PAPLN: variants seen among roughly 807,000 people sequenced by gnomAD.
PAPLN encodes the protein papilin.
PAPLN carries 146 observed loss-of-function variants against 159.0 expected under a neutral mutation model. That is an observed-to-expected ratio of 0.92 (90% confidence interval 0.80 to 1.05). PAPLN has a LOEUF of 1.05. Among genes scored for constraint, PAPLN ranks in the 50% least tolerant of loss-of-function variants. PAPLN has a pLI of 0.00. For missense variants in PAPLN, 1,720 were observed against 1,743.9 expected (o/e 0.99, Z 0.24); for synonymous variants, 734 against 702.9 (o/e 1.04, Z -0.70).
In PAPLN at chr14:73,259,472, T is replaced by C; in HGVS notation, c.1912T>C (p.Cys638Arg). Residue 638 changes from cysteine (C) to arginine (R), a missense_variant, in exon 16 of 27, where the codon TGC becomes CGC. Coordinates refer to ENST00000644200, the MANE Select transcript of PAPLN (RefSeq NM_001365906.3). ...CTGCAGACACAGTCCTCACGGGTGC[T>C]GCCCCGATGGCCACACGGCATCTCT... ...HDCRHSPHGC[C>R]PDGHTASLGP... is the part of the protein sequence containing the mutation. 1 of 1,609,630 alleles carries C rather than the reference T, an allele frequency of 6.2e-7. No homozygotes were observed. The highest frequency in any genetic ancestry group is 8.5e-7 in the Non-Finnish European group (1 of 1,178,372).
intron 2 of PAPLN, among the ~76,000 whole-genome samples, chr14:73,241,745 G>T (rs867562492): frequency 4.6e-5 from 7 of 152,384 alleles, no homozygotes; most frequent in Middle Eastern, 3.4e-3. Flanking sequence ...GATCACTTAT[G>T]CTGTCAGCGG....
Position 73,251,821 on chromosome 14 carries a change from G to A in PAPLN, c.828G>A (p.Glu276=). The change falls in exon 9 of 27, where the codon GAG becomes GAA. Residue 276 remains glutamate, a synonymous_variant. Transcript: ENST00000644200. ...ERLHARGPTS[E]PLVIELISQE... is the part of the protein sequence containing the mutation. ...TCCATGCCCGGGGCCCCACCTCGGA[G>A]CCCCTGGTCATCGAGGTAAATGGGG... The A allele has an allele frequency of 1.3e-6, 2 of 1,596,090 alleles. No individual in the cohort carries two copies. The highest frequency in any genetic ancestry group is 1.7e-6 in the Non-Finnish European group (2 of 1,174,272).
At chr14:73,253,469 G>A (rs529297100) in intron 11 of PAPLN, among the ~76,000 whole-genome samples, 102 of 151,958 alleles carry the variant, frequency 6.7e-4, no homozygotes, top group African/African-American at 2.2e-3. Flanking sequence ...GTCTGACTGG[G>A]AGACAGGGAC....
rs769846702 is a variant in PAPLN, at chr14:73,245,667, G to A, written c.202G>A (p.Ala68Thr). Residue 68 changes from alanine (A) to threonine (T), a missense_variant, in exon 4 of 27, where the codon GCC (alanine) becomes ACC (threonine). Transcript: ENST00000644200. This position sits in a 1 kb window ranked among gnomAD's most constrained non-coding sequence, Gnocchi z 4.2. Reference protein sequence around the residue: ...RDGGSSCVGPARSHRSCRTES... With the variant: ...RDGGSSCVGPTRSHRSCRTES... ...TGGAGGCTCCAGCTGCGTGGGCCCCGCCCGGAGCCACCGCTCTTGTCGCAC... is the reference window on the plus strand; with the variant it reads ...TGGAGGCTCCAGCTGCGTGGGCCCCACCCGGAGCCACCGCTCTTGTCGCAC... 7.7e-6 allele frequency: 12 copies of A among 1,557,190 alleles called. No individual in the cohort carries two copies. The South Asian group carries it at 1.3e-4, about 17-fold the overall frequency.
intron 14 of PAPLN, 138 bp downstream of exon 14, chr14:73,255,156 C>T (rs1289708484): frequency 8.0e-7 from 1 of 1,257,062 alleles, no homozygotes; most frequent in Non-Finnish European, 1.1e-6. Context: ...CATGTCTCCC[C>T]CCGCTGAACC....
intron 2 of PAPLN, among the ~76,000 whole-genome samples, chr14:73,242,200 C>T (rs1388314429): frequency 2.0e-5 from 3 of 152,232 alleles, no homozygotes; most frequent in African/African-American, 4.8e-5. Context: ...GGCTAGTGGA[C>T]ACCTGCCTTA....
Position 73,264,294 on chromosome 14 carries a change from G to A in PAPLN, c.2945G>A (p.Arg982Gln), listed in dbSNP as rs147888688. The A allele has an allele frequency of 5.0e-5, 80 of 1,613,894 alleles. No homozygotes were observed. The highest frequency in any genetic ancestry group is 1.6e-4 in the Middle Eastern group (1 of 6,062). The part of the protein sequence containing the change: ...DAGTYSCGST[R>Q]PGRDSQKIQL... ...GGCACCTACAGCTGTGGCAGCACCC[G>A]GCCAGGCCGCGACTCCCAGAAGATC... The change falls in exon 21 of 27, where the codon CGG (arginine) becomes CAG (glutamine). Residue 982 changes from arginine to glutamine, a missense_variant. Transcript: ENST00000644200.
intron 2 of PAPLN, 66 bp downstream of exon 2, chr14:73,239,898 G>T: frequency 6.7e-7 from 1 of 1,485,072 alleles, no homozygotes. Context: ...GGACGCGCGG[G>T]CCCGCAGGCA....
intron 13 of PAPLN, 88 bp downstream of exon 13, chr14:73,254,783 C>A (rs938912916): frequency 6.3e-7 from 1 of 1,588,358 alleles, no homozygotes; most frequent in Admixed American, 1.7e-5. Flanking sequence ...ACCTGACACG[C>A]GCCACTGGGC....
intron 13 of PAPLN, 39 bp downstream of exon 13, chr14:73,254,734 G>A (rs759156548): frequency 6.2e-7 from 1 of 1,602,460 alleles, no homozygotes; most frequent in East Asian, 2.2e-5. Context: ...GCCTGACCCT[G>A]GTCTCTGGCA....
intron 14 of PAPLN, among the ~76,000 whole-genome samples, chr14:73,258,764 G>A (rs1347377564): frequency 6.6e-6 from 1 of 152,088 alleles, no homozygotes; most frequent in Non-Finnish European, 1.5e-5. Context: ...TCTCAAAAAA[G>A]ATGAGCATTT....
At chr14:73,246,265 C>CATAT (rs142277220) in intron 5 of PAPLN, 90 bp downstream of exon 5, 17 of 1,013,772 alleles carry the variant, frequency 1.7e-5, no homozygotes, top group African/African-American at 8.8e-5. Context: ...GAGGCGTTGT[C>CATAT]ATATATATAT....
chr14:73,243,521 C>T (rs1429552070), intron 2 of PAPLN: 4 of 152,192 alleles, frequency 2.6e-5, no homozygotes, highest in Admixed American at 6.5e-5. Context: ...GGCACAGCCT[C>T]GGCAGGGGAG....
At chr14:73,259,887 G>A (rs1409705605) in intron 16 of PAPLN, among the ~76,000 whole-genome samples, 3 of 152,062 alleles carry the variant, frequency 2.0e-5, no homozygotes, top group African/African-American at 7.2e-5. Context: ...AAGGCTAGAC[G>A]AGGGCCAACC....
intron 14 of PAPLN, among the ~76,000 whole-genome samples, chr14:73,255,586 G>C (rs1439334939): frequency 6.6e-6 from 1 of 150,860 alleles, no homozygotes; most frequent in Non-Finnish European, 1.5e-5. Flanking sequence ...GGGCCTGCTG[G>C]AGAAAGGGCA....
At chr14:73,249,516 G>T (rs150535432) in intron 5 of PAPLN, among the ~76,000 whole-genome samples, 158 of 151,984 alleles carry the variant, frequency 1.0e-3, no homozygotes, top group African/African-American at 3.4e-3. Context: ...TCTACTAAAA[G>T]TACAAAACTT....
intron 16 of PAPLN, among the ~76,000 whole-genome samples, 177 bp downstream of exon 16, chr14:73,259,722 TTCC>T (rs1886346240): frequency 6.6e-6 from 1 of 152,048 alleles, no homozygotes; most frequent in Non-Finnish European, 1.5e-5. Context: ...GGGACTTGGC[TTCC>T]TGTGGCTGAG....
rs946559320 is a variant in PAPLN at position 73,244,764 on chromosome 14, G to A, written c.170+5G>A. 1 of 1,533,538 alleles carries A rather than the reference G, an allele frequency of 6.5e-7. No homozygotes were observed. The highest frequency in any genetic ancestry group is 1.4e-5 in the African/African-American group (1 of 72,380). The allele number at this position is 1,533,538 out of a possible 1,614,324, so 95.0% of individuals were successfully genotyped here. Reference sequence around the variant, plus strand: ...GCGCCCCTGCTACTCCCAGAGGTAGGAGAGATGAAAATGGGCCAGCTTGTT... The same window carrying A: ...GCGCCCCTGCTACTCCCAGAGGTAGAAGAGATGAAAATGGGCCAGCTTGTT... On this transcript the variant is annotated splice_donor_5th_base_variant and intron_variant, in intron 3 of 26. Coordinates refer to ENST00000644200, the MANE Select transcript of PAPLN (RefSeq NM_001365906.3).
Position 73,252,916 on chromosome 14 carries a change from AG to A in PAPLN, c.1094+143del, listed in dbSNP as rs1410133870. On this transcript the variant is annotated intron_variant, in intron 11 of 26. Coordinates refer to ENST00000644200, the MANE Select transcript of PAPLN (RefSeq NM_001365906.3). ...CCACGCTGTGGCTGGGGTGTGGGAGAGGTGGCAGCTCTTCCTGGGGGAGGCA... is the reference window on the plus strand; with the variant it reads ...CCACGCTGTGGCTGGGGTGTGGGAGAGTGGCAGCTCTTCCTGGGGGAGGCA... 4 of 1,399,834 alleles carry A rather than the reference AG, an allele frequency of 2.9e-6. No homozygotes were observed. In the East Asian group the frequency reaches 7.0e-5, roughly 25 times the overall value. The allele number at this position is 1,399,834 out of a possible 1,614,324, so 86.7% of individuals were successfully genotyped here.
Sources: gnomAD v4.1 joint callset for allele counts (sites outside exome capture counted in the v4.1 genomes callset) on GRCh38, gnomAD v4.1.1 for gene constraint, Gnocchi (gnomAD v3.1) non-coding constraint, MANE v1.5 for transcripts, NCBI Gene and HGNC (gene_info 2026-07-23, HGNC 2026-07-21) for gene names.